Variants in PHYH observed in about 807,000 individuals in gnomAD.
PHYH encodes phytanoyl-CoA dioxygenase, peroxisomal.
A neutral mutation model predicts 38.5 loss-of-function variants in PHYH; 32 were observed. The ratio of observed to expected loss-of-function variants is 0.83; its 90% CI spans 0.63 to 1.12. PHYH has a LOEUF of 1.12. Among genes scored for constraint, PHYH ranks in the 50% most tolerant of loss-of-function variants. The probability of loss-of-function intolerance (pLI) is 0.00; values close to 1 mark genes in which losing one functional copy is unlikely to be tolerated. For synonymous variants in PHYH, 166 were observed against 157.9 expected (o/e 1.05, Z -0.38); for missense variants, 426 against 434.8 (o/e 0.98, Z 0.18).
At chr10:13,297,951 G>T (rs1380116283) in intron 2 of PHYH, among the ~76,000 whole-genome samples, 2 of 151,690 alleles carry the variant, frequency 1.3e-5, no homozygotes, top group African/African-American at 2.4e-5. Context: ...ATAAATAAAT[G>T]TCGGATTATG....
chr10:13,296,302 C>A (rs1319237497), intron 2 of PHYH, among the ~76,000 whole-genome samples: 1 of 126,882 alleles, frequency 7.9e-6, no homozygotes, highest in African/African-American at 2.7e-5. Flanking sequence ...GTGGGCCGGG[C>A]ACAGTGGCTC....
At chr10:13,284,699 GTGTT>G (rs1437326545) in intron 6 of PHYH, among the ~76,000 whole-genome samples, 4 of 152,288 alleles carry the variant, frequency 2.6e-5, no homozygotes, top group South Asian at 2.1e-4. Context: ...TTAAAACACT[GTGTT>G]TGTTTGTAAC....
At chr10:13,293,731 G>T (rs1835769027) in intron 4 of PHYH, among the ~76,000 whole-genome samples, 1 of 152,106 alleles carries the variant, frequency 6.6e-6, no homozygotes, top group South Asian at 2.1e-4. Context: ...CTTCCAAAGT[G>T]CCACTTCGCC....
At chr10:13,292,490 C>T (rs1835736290) in intron 4 of PHYH, among the ~76,000 whole-genome samples, 1 of 152,158 alleles carries the variant, frequency 6.6e-6, no homozygotes, top group African/African-American at 2.4e-5. Context: ...TGACATGGGT[C>T]AGAGTGGCCG....
In PHYH at chr10:13,294,700, C is replaced by G. The variant is rs1835799557; in HGVS notation, c.246-104G>C. 3.2e-6 allele frequency: 3 copies of G among 933,678 alleles called. No individual in the cohort carries two copies. The Admixed American group carries it at 5.5e-5, about 17-fold the overall frequency. 57.8% of individuals were successfully genotyped at this position (933,678 alleles called of 1,614,324 possible). The stretch of plus-strand genomic sequence containing the variant: ...GCAGACTTGAGGGGTGGTTTCTCTG[C>G]ACTAAGTTGGCCTCCAGCTTGAGGT... On this transcript the variant is annotated intron_variant, in intron 3 of 8. Coordinates refer to ENST00000263038, the MANE Select transcript of PHYH (RefSeq NM_006214.4).
At chr10:13,292,204 C>G (rs1192820768) in intron 4 of PHYH, among the ~76,000 whole-genome samples, 1 of 152,164 alleles carries the variant, frequency 6.6e-6, no homozygotes, top group African/African-American at 2.4e-5. Flanking sequence ...GCTTTCTTGT[C>G]AACCCAAGCA....
In PHYH at chr10:13,294,579, A is replaced by AT. The variant is rs1835796678; in HGVS notation, c.262dup (p.Ile88AsnfsTer28). On this transcript the variant is annotated frameshift_variant, in exon 4 of 9. Coordinates refer to ENST00000263038, the MANE Select transcript of PHYH (RefSeq NM_006214.4). LOFTEE classifies it high-confidence loss of function. ...TAATGGTTTCACCTCCTTTCTGCAGATTTTTTCAAACTCATTCCTAGAAAA... is the reference window on the plus strand; with the variant it reads ...TAATGGTTTCACCTCCTTTCTGCAGATTTTTTTCAAACTCATTCCTAGAAAA... 4 of 1,613,778 alleles carry AT rather than the reference A, an allele frequency of 2.5e-6. No individual in the cohort carries two copies. Among genetic ancestry groups the AT allele is most frequent in the South Asian group, 1.1e-5 (1 of 91,078 alleles).
chr10:13,295,740 A>C lies in PHYH; in HGVS notation c.135-134T>G, dbSNP rs1413237522. ...CACTTGAGGTCAGGAGTTTGAGACT[A>C]GCCCAGGCAACATGATGAAACCCTG... On this transcript the variant is annotated intron_variant, in intron 2 of 8. Coordinates refer to ENST00000263038, the MANE Select transcript of PHYH (RefSeq NM_006214.4). 7 of 634,640 alleles carry C rather than the reference A, an allele frequency of 1.1e-5. No homozygotes were observed. The African/African-American group carries it at 1.3e-4, about 12-fold the overall frequency. 39.3% of individuals were successfully genotyped at this position (634,640 alleles called of 1,614,324 possible).
At chr10:13,298,619 T>G (rs112960457) in intron 1 of PHYH, among the ~76,000 whole-genome samples, 6 of 151,948 alleles carry the variant, frequency 3.9e-5, no homozygotes, top group African/African-American at 1.4e-4. Context: ...GAGAATTGCT[T>G]GAACCTGGGA....
At chr10:13,296,136 C>A (rs1835843234) in intron 2 of PHYH, among the ~76,000 whole-genome samples, 1 of 152,068 alleles carries the variant, frequency 6.6e-6, no homozygotes, top group Admixed American at 6.6e-5. Context: ...GCACTGCACT[C>A]CAGCCTGGGC....
rs528514347 is a variant in PHYH, at chr10:13,288,604, C to A, written c.497-63G>T. The stretch of plus-strand genomic sequence containing the variant: ...CGAGTGCAGTGGCTCACGCCTGTAA[C>A]CCCAGCACTTTGGGATATAAAAATA... On this transcript the variant is annotated intron_variant, in intron 5 of 8. Transcript: ENST00000263038. 1.4e-4 allele frequency: 210 copies of A among 1,503,518 alleles called. 2 individuals are homozygous for A. In the African/African-American group the frequency reaches 2.3e-3, roughly 16 times the overall value. 93.1% of individuals were successfully genotyped at this position (1,503,518 alleles called of 1,614,324 possible).
intron 8 of PHYH, 24 bp downstream of exon 8, chr10:13,280,952 C>T: frequency 6.2e-7 from 1 of 1,611,054 alleles, no homozygotes; most frequent in Non-Finnish European, 8.5e-7. Context: ...GAGATTTTTA[C>T]CTTGCTATTG....
rs1014531939 is a variant in PHYH, at chr10:13,283,216, C to G, written c.828+474G>C. Among the ~76,000 whole-genome samples, 11 of 149,062 alleles carry G rather than the reference C, an allele frequency of 7.4e-5. No individual in the cohort carries two copies. The East Asian group carries it at 8.0e-4, about 11-fold the overall frequency. ...CGATCTCGGCTCACTGCAGACTCCA[C>G]CCCCTGGGGTTCACGCCATTCTCCT... On this transcript the variant is annotated intron_variant, in intron 7 of 8. Transcript: ENST00000263038.
rs185469800 is a variant in PHYH at position 13,298,467 on chromosome 10, G to T, written c.76-222C>A. Among the ~76,000 whole-genome samples the T allele has an allele frequency of 3.9e-5, 6 of 152,094 alleles. No homozygotes were observed. The East Asian group carries it at 9.7e-4, about 25-fold the overall frequency. On this transcript the variant is annotated intron_variant, in intron 1 of 8. Coordinates refer to ENST00000263038, the MANE Select transcript of PHYH (RefSeq NM_006214.4). ...TGTAATCCTAGCACTTTGGGAGGCC[G>T]AGGCGGATGGATCACCTGAGGTCGG...
chr10:13,287,307 C>G (rs931314146), intron 6 of PHYH, among the ~76,000 whole-genome samples: 2 of 152,106 alleles, frequency 1.3e-5, no homozygotes, highest in African/African-American at 4.8e-5. Context: ...CCATTACACT[C>G]TAGCCTGGTG....
chr10:13,286,942 G>T (rs1351179854), intron 6 of PHYH, among the ~76,000 whole-genome samples: 1 of 152,202 alleles, frequency 6.6e-6, no homozygotes, highest in Non-Finnish European at 1.5e-5. Context: ...TCACAGGTAT[G>T]TGTGTGTGGA....
At position 13,293,404 on chromosome 10, in the gene PHYH, C is replaced by T. The variant is rs187161060; in HGVS notation, c.414+1024G>A. ...GCAACCTCTGCCTCCCGGGTTTAAG[C>T]GATTCTCCTGCCTCAGCCTACTGAG... On this transcript the variant is annotated intron_variant, in intron 4 of 8. Transcript: ENST00000263038. 7.2e-5 allele frequency among the ~76,000 whole-genome samples: 11 copies of T among 152,096 alleles called. No homozygotes were observed. In the East Asian group the frequency reaches 1.4e-3, roughly 19 times the overall value.
At chr10:13,285,084 TG>T (rs1287511020) in intron 6 of PHYH, among the ~76,000 whole-genome samples, 1 of 152,208 alleles carries the variant, frequency 6.6e-6, no homozygotes, top group Non-Finnish European at 1.5e-5. Context: ...GCTTCACTGA[TG>T]AGTTTCACAT....
chr10:13,288,922 C>CAAAAAAA (rs36019637), intron 5 of PHYH, among the ~76,000 whole-genome samples: 1 of 40,902 alleles, frequency 2.4e-5, no homozygotes, highest in Non-Finnish European at 4.0e-5. Context: ...CACCCCCAAC[C>CAAAAAAA]AAAAAAAAAA....
Sources: allele counts gnomAD v4.1 joint callset (sites outside exome capture counted in the v4.1 genomes callset), GRCh38; gene constraint gnomAD v4.1.1; transcripts MANE v1.5; gene names NCBI Gene and HGNC (gene_info 2026-07-23, HGNC 2026-07-21).